DAB1: variants seen among roughly 807,000 people sequenced by gnomAD.
The protein encoded by DAB1 is DAB adaptor protein 1.
DAB1 carries 15 observed loss-of-function variants against 64.6 expected under a neutral mutation model. That is an observed-to-expected ratio of 0.23 (90% CI 0.16 to 0.36). The LOEUF is 0.36. DAB1 is among the 10% of genes least tolerant of loss of function. DAB1 has a pLI of 1.00. For synonymous variants in DAB1, 235 were observed against 251.9 expected (o/e 0.93, Z 0.64); for missense variants, 596 against 706.7 (o/e 0.84, Z 1.78).
At position 57,464,868 on chromosome 1, in the gene DAB1, A is replaced by G. The variant is rs11809260; in HGVS notation, n.626-173702T>C. Among the ~76,000 whole-genome samples, 1,060 of 151,510 alleles carry G rather than the reference A, an allele frequency of 7.0e-3. 12 individuals are homozygous for G. The highest frequency in any genetic ancestry group is 0.024 in the African/African-American group (1,005 of 41,138). On this transcript the variant is annotated intron_variant and non_coding_transcript_variant, in intron 7 of 20. Transcript: ENST00000485760. ...GAGCAGGTAAATATTGAGACAAGAT[A>G]CACATCAAGTTTTTTTTTTTTTTCT...
At chr1:58,048,104 A>G in intron 5 of DAB1, 1 of 865,772 alleles carries the variant, frequency 1.2e-6, no homozygotes. Context: ...CTGAGTTCAC[A>G]AATCTGTTGT....
At chr1:58,488,587 G>C (rs1197773239) in intron 3 of DAB1, among the ~76,000 whole-genome samples, 1 of 152,194 alleles carries the variant, frequency 6.6e-6, no homozygotes, top group Non-Finnish European at 1.5e-5. Context: ...GAGTAGCTGG[G>C]ATTACAGGCA....
intron 5 of DAB1, among the ~76,000 whole-genome samples, chr1:58,041,745 C>A (rs558001274): frequency 6.6e-6 from 1 of 152,316 alleles, no homozygotes; most frequent in East Asian, 1.9e-4. Context: ...CTAGAATTGG[C>A]ATTGGCTTCC....
intron 6 of DAB1, among the ~76,000 whole-genome samples, chr1:57,693,775 G>C (rs1004896749): frequency 6.6e-6 from 1 of 152,150 alleles, no homozygotes; most frequent in Non-Finnish European, 1.5e-5. Flanking sequence ...CTCTGGATGT[G>C]TCTGAAGGAA....
At chr1:58,300,547 A>G (rs1325191222) in intron 4 of DAB1, among the ~76,000 whole-genome samples, 1 of 20,700 alleles carries the variant, frequency 4.8e-5, no homozygotes, top group Non-Finnish European at 9.9e-5. Context: ...AACTCTGAAA[A>G]GAAAGAAAGA....
chr1:58,518,349 A>AGAAGGGAAGGGAAGGGAAGG (rs757786615), intron 2 of DAB1, among the ~76,000 whole-genome samples: 22 of 59,696 alleles, frequency 3.7e-4, no homozygotes, highest in African/African-American at 1.4e-3. Context: ...AGAAGAGAAG[A>AGAAGGGAAGGGAAGGGAAGG]GAAGGGAAGG....
intron 7 of DAB1, among the ~76,000 whole-genome samples, chr1:57,471,607 G>T (rs1687138969): frequency 6.6e-6 from 1 of 152,270 alleles, no homozygotes; most frequent in South Asian, 2.1e-4. Context: ...CACAAGATCT[G>T]TTGGTTTTAA....
At chr1:57,545,778 T>G (rs1028079824) in intron 7 of DAB1, among the ~76,000 whole-genome samples, 1 of 152,212 alleles carries the variant, frequency 6.6e-6, no homozygotes, top group African/African-American at 2.4e-5. Flanking sequence ...ATTCTACTTG[T>G]CTGTCAGACA....
intron 5 of DAB1, among the ~76,000 whole-genome samples, chr1:58,062,876 C>A (rs959379592): frequency 6.6e-6 from 1 of 152,216 alleles, no homozygotes; most frequent in Admixed American, 6.5e-5. Context: ...CACAATGAGA[C>A]AATTGCATGT....
At chr1:57,901,880 T>C (rs1469974774) in intron 5 of DAB1, among the ~76,000 whole-genome samples, 1 of 152,136 alleles carries the variant, frequency 6.6e-6, no homozygotes, top group African/African-American at 2.4e-5. Context: ...ATTCACTGTG[T>C]ACTCTGAACT....
chr1:58,493,170 T>C (rs1645730579), intron 3 of DAB1, among the ~76,000 whole-genome samples: 1 of 152,118 alleles, frequency 6.6e-6, no homozygotes, highest in Non-Finnish European at 1.5e-5. Context: ...AAAAACCACA[T>C]GATTATCTCA....
chr1:58,415,721 G>C (rs1482772841), intron 3 of DAB1, among the ~76,000 whole-genome samples: 1 of 152,112 alleles, frequency 6.6e-6, no homozygotes, highest in Admixed American at 6.5e-5. Context: ...CAGGCACTAG[G>C]ATCACAGCAC....
intron 2 of DAB1, among the ~76,000 whole-genome samples, chr1:57,211,077 A>C (rs1262272770): frequency 6.6e-6 from 1 of 152,236 alleles, no homozygotes; most frequent in Non-Finnish European, 1.5e-5. Flanking sequence ...GCTCAGTGTG[A>C]CAGCATCAGG....
chr1:57,573,259 A>T (rs190846645), intron 7 of DAB1, among the ~76,000 whole-genome samples: 32 of 151,844 alleles, frequency 2.1e-4, no homozygotes, highest in African/African-American at 6.3e-4. Flanking sequence ...GCTGGTTTTT[A>T]AAAAAAACTT....
chr1:57,724,645 C>A (rs1192479369), intron 6 of DAB1, among the ~76,000 whole-genome samples: 1 of 152,186 alleles, frequency 6.6e-6, no homozygotes, highest in Non-Finnish European at 1.5e-5. Flanking sequence ...TGCGGGCTCC[C>A]TTCTCCCCCA....
intron 7 of DAB1, among the ~76,000 whole-genome samples, chr1:57,648,952 G>C (rs1027746507): frequency 1.3e-5 from 2 of 152,204 alleles, no homozygotes; most frequent in Non-Finnish European, 2.9e-5. Flanking sequence ...ACAAGAAATA[G>C]ATATTGGAAT....
intron 3 of DAB1, among the ~76,000 whole-genome samples, chr1:58,392,825 T>C (rs1569722017): frequency 1.3e-5 from 2 of 152,336 alleles, no homozygotes; most frequent in Admixed American, 6.5e-5. Flanking sequence ...ACCTTCTGTA[T>C]AGCATTTGAG....
intron 4 of DAB1, among the ~76,000 whole-genome samples, chr1:58,300,652 G>GA (rs1557726378): frequency 1.1e-3 from 95 of 84,654 alleles, no homozygotes; most frequent in African/African-American, 2.0e-3. Flanking sequence ...GAGAGAGGAA[G>GA]GAAGGAAGGA....
intron 1 of DAB1, among the ~76,000 whole-genome samples, chr1:57,293,180 T>G (rs1444458645): frequency 6.6e-6 from 1 of 152,090 alleles, no homozygotes; most frequent in East Asian, 1.9e-4. Context: ...CAGTTTTTCC[T>G]TGTGCTGCTA....
Sources: gnomAD v4.1 joint callset for allele counts (sites outside exome capture counted in the v4.1 genomes callset) on GRCh38, gnomAD v4.1.1 for gene constraint, MANE v1.5 for transcripts, NCBI Gene and HGNC (gene_info 2026-07-23, HGNC 2026-07-21) for gene names.